The following HTR1D variants were observed in gnomAD, a reference collection of about 807,000 sequenced individuals.
The protein encoded by HTR1D is 5-HT-1D.
A neutral mutation model predicts 21.1 loss-of-function variants in HTR1D; 18 were observed. The observed-to-expected ratio is 0.85, with a 90% CI of 0.59 to 1.27. The LOEUF is 1.27. HTR1D is among the 50% of genes most tolerant of loss of function. The pLI is 0.00. For synonymous variants in HTR1D, 196 were observed against 204.4 expected (o/e 0.96, Z 0.35); for missense variants, 456 against 481.4 (o/e 0.95, Z 0.49).
chr1:23,195,691 C>T (rs780591221), intron 1 of HTR1D, among the ~76,000 whole-genome samples: 2 of 152,172 alleles, frequency 1.3e-5, no homozygotes, highest in Non-Finnish European at 2.9e-5. Context: ...CTGCCTCGGC[C>T]GCCCAAAGTG....
At chr1:23,214,949 A>G (rs568405627) in intron 1 of HTR1D, among the ~76,000 whole-genome samples, 1 of 152,248 alleles carries the variant, frequency 6.6e-6, no homozygotes, top group Admixed American at 6.5e-5. Context: ...AGTGTCTACT[A>G]GGAGAGGAGC....
intron 1 of HTR1D, among the ~76,000 whole-genome samples, chr1:23,215,093 C>T (rs1644767918): frequency 6.6e-6 from 1 of 152,116 alleles, no homozygotes; most frequent in Non-Finnish European, 1.5e-5. Context: ...AAGAAACAGT[C>T]AGCAGTGTCA....
At chr1:23,197,184 C>T (rs1644692089) in intron 1 of HTR1D, among the ~76,000 whole-genome samples, 3 of 152,024 alleles carry the variant, frequency 2.0e-5, no homozygotes, top group Non-Finnish European at 4.4e-5. Flanking sequence ...GTGTGTAAGC[C>T]CTCCAGCCCT....
intron 1 of HTR1D, among the ~76,000 whole-genome samples, chr1:23,197,681 C>T (rs995785112): frequency 6.6e-5 from 10 of 151,014 alleles, no homozygotes; most frequent in Non-Finnish European, 1.0e-4. Context: ...AAGATTGCAC[C>T]ATTGCACTCC....
intron 1 of HTR1D, among the ~76,000 whole-genome samples, chr1:23,215,599 T>G (rs4292926): frequency 1.7e-4 from 26 of 152,256 alleles, no homozygotes; most frequent in African/African-American, 6.0e-4. Context: ...ACATTCACAT[T>G]ACTCTCACCA....
chr1:23,198,353 G>A (rs2746559), intron 1 of HTR1D, among the ~76,000 whole-genome samples: 24,272 of 130,298 alleles, frequency 0.19, 2,230 homozygotes, highest in East Asian at 0.28. Context: ...GTGATGGAGC[G>A]AGACTCCGTC....
At chr1:23,206,725 G>C (rs1644732458) in intron 1 of HTR1D, among the ~76,000 whole-genome samples, 1 of 152,042 alleles carries the variant, frequency 6.6e-6, no homozygotes, top group Admixed American at 6.6e-5. Context: ...CCCAAGCCCG[G>C]CTTGGCTCAG....
Position 23,193,969 on chromosome 1 carries a change from T to C in HTR1D, c.251A>G (p.Asp84Gly). The C allele has an allele frequency of 6.2e-7, 1 of 1,613,972 alleles. No homozygotes were observed. The change falls in exon 2 of 2, where the codon GAC becomes GGC. Residue 84 changes from aspartate (D) to glycine (G), a missense_variant. Asp to Gly is a moderately conservative substitution (Grantham distance 94). Transcript: ENST00000374619. ...CATTACCAAGATGGAAACCAAGAGG[T>C]CGGTGGTGGCCAGGGAGCCAATCAG... is the stretch of plus-strand genomic sequence containing the variant. ...NYLIGSLATTDLLVSILVMPI... is the reference protein window; with the variant it reads ...NYLIGSLATTGLLVSILVMPI...
At chr1:23,214,129 T>C (rs1644764759) in intron 1 of HTR1D, among the ~76,000 whole-genome samples, 1 of 152,144 alleles carries the variant, frequency 6.6e-6, no homozygotes, top group Admixed American at 6.5e-5. Context: ...TTTCCTCTTC[T>C]CCATTTAAAG....
intron 1 of HTR1D, among the ~76,000 whole-genome samples, chr1:23,211,826 AT>A (rs1644754723): frequency 6.6e-6 from 1 of 151,472 alleles, no homozygotes; most frequent in African/African-American, 2.4e-5. Context: ...TGCCTGGCAA[AT>A]TTTAAAAAAA....
chr1:23,196,319 C>G (rs1644688765), intron 1 of HTR1D, among the ~76,000 whole-genome samples: 1 of 151,900 alleles, frequency 6.6e-6, no homozygotes, highest in Non-Finnish European at 1.5e-5. Flanking sequence ...TGGTGCATGC[C>G]TGTAATCCCA....
At chr1:23,207,636 C>T (rs1644737180) in intron 1 of HTR1D, among the ~76,000 whole-genome samples, 1 of 152,168 alleles carries the variant, frequency 6.6e-6, no homozygotes, top group South Asian at 2.1e-4. Flanking sequence ...CTTTGCAATG[C>T]TTAGGGAAAT....
chr1:23,208,876 C>G (rs1323048543), intron 1 of HTR1D, among the ~76,000 whole-genome samples: 1 of 151,868 alleles, frequency 6.6e-6, no homozygotes, highest in Non-Finnish European at 1.5e-5. Flanking sequence ...TGAGATGTAC[C>G]TGGTTCAAAA....
chr1:23,197,320 A>G (rs1191685770), intron 1 of HTR1D, among the ~76,000 whole-genome samples: 2 of 152,310 alleles, frequency 1.3e-5, no homozygotes, highest in East Asian at 1.9e-4. Context: ...CCTGCCTGCT[A>G]TCCTTCCCCA....
chr1:23,206,191 A>G (rs1307409206), intron 1 of HTR1D, among the ~76,000 whole-genome samples: 3 of 151,874 alleles, frequency 2.0e-5, no homozygotes, highest in Admixed American at 2.0e-4. Context: ...ACAGATGCCC[A>G]CCACCATACC....
intron 1 of HTR1D, among the ~76,000 whole-genome samples, chr1:23,208,257 C>T (rs956989914): frequency 3.3e-5 from 5 of 152,158 alleles, no homozygotes; most frequent in Admixed American, 3.3e-4. Context: ...GGCAAAAGCC[C>T]ATCTCTACAA....
rs148453117 is a variant in HTR1D, at chr1:23,199,996, G to A, written c.-782-4995C>T. Among the ~76,000 whole-genome samples, 97 of 152,266 alleles carry A rather than the reference G, an allele frequency of 6.4e-4. 1 individual carries two copies. The highest frequency in any genetic ancestry group is 6.0e-4 in the Non-Finnish European group (41 of 68,014). On this transcript the variant is annotated intron_variant, in intron 1 of 1. Transcript: ENST00000374619. ...GCTGGGATTACAGGCATGAGCCACC[G>A]TGCTCGGTAGTATATGTAATTTTTC...
At chr1:23,203,226 G>T (rs1412967341) in intron 1 of HTR1D, among the ~76,000 whole-genome samples, 1 of 152,138 alleles carries the variant, frequency 6.6e-6, no homozygotes, top group Non-Finnish European at 1.5e-5. Context: ...ACATGGGTAT[G>T]GGTGTGTGTG....
rs569825194 is a variant in HTR1D at position 23,194,324 on chromosome 1, A to T, written c.-105T>A. On this transcript the variant is annotated 5_prime_UTR_variant, in exon 2 of 2. Transcript: ENST00000374619. ...CATCCTTCTGCTTCACACTGGTGGG[A>T]GCCGTACACCAGAACAGACCACAGT... is the stretch of plus-strand genomic sequence containing the variant. 1.1e-5 allele frequency: 11 copies of T among 1,011,376 alleles called. No homozygotes were observed. The East Asian group carries it at 2.1e-4, about 20-fold the overall frequency. 62.7% of individuals were successfully genotyped at this position (1,011,376 alleles called of 1,614,324 possible). A position where few individuals can be genotyped will look rare whatever the true frequency, so the allele number is the denominator to read the frequency against.
Sources: allele counts gnomAD v4.1 joint callset (sites outside exome capture counted in the v4.1 genomes callset), GRCh38; gene constraint gnomAD v4.1.1; transcripts MANE v1.5; gene names NCBI Gene and HGNC (gene_info 2026-07-23, HGNC 2026-07-21).